The following PTPN11 variants were observed in gnomAD, a reference collection of about 807,000 sequenced individuals.
PTPN11 encodes protein tyrosine phosphatase non-receptor type 11, also known as tyrosine-protein phosphatase non-receptor type 11.
Under a neutral mutation model 78.8 loss-of-function variants are expected in PTPN11, and 6 were observed. The ratio of observed to expected loss-of-function variants is 0.08; its 90% CI spans 0.04 to 0.15. PTPN11 has a LOEUF of 0.15. Among genes scored for constraint, PTPN11 ranks in the 10% least tolerant of loss-of-function variants. The probability of loss-of-function intolerance (pLI) is 1.00; values close to 1 mark genes in which losing one functional copy is unlikely to be tolerated. For synonymous variants in PTPN11, 221 were observed against 263.5 expected, an observed-to-expected ratio of 0.84 and a Z score of 1.56; for missense variants, 386 against 744.8, an observed-to-expected ratio of 0.52 and a Z score of 5.61.
intron 6 of PTPN11, chr12:112,457,232 G>A: frequency 2.5e-6 from 1 of 404,830 alleles, no homozygotes; most frequent in Admixed American, 2.9e-5. Flanking sequence ...CAGTGTGTGT[G>A]ATGTTCCCCT....
At chr12:112,441,366 A>G (rs563829088) in intron 1 of PTPN11, among the ~76,000 whole-genome samples, 2 of 151,706 alleles carry the variant, frequency 1.3e-5, no homozygotes, top group South Asian at 2.1e-4. Flanking sequence ...GACTCAAGCA[A>G]TCCTCCCACC....
chr12:112,488,396 C>T (rs2135914759), intron 11 of PTPN11, 47 bp from the exon 12 acceptor site: 1 of 1,477,312 alleles, frequency 6.8e-7, no homozygotes, highest in South Asian at 1.1e-5. Context: ...GTCTGAAACC[C>T]CCATGAATGA....
chr12:112,484,152 G>T (rs934029920), intron 10 of PTPN11, among the ~76,000 whole-genome samples: 4 of 152,168 alleles, frequency 2.6e-5, no homozygotes, highest in African/African-American at 9.7e-5. Flanking sequence ...TTGAGGCAAG[G>T]CCATCAACAG....
At chr12:112,437,390 A>C (rs1037551209) in intron 1 of PTPN11, among the ~76,000 whole-genome samples, 4 of 151,742 alleles carry the variant, frequency 2.6e-5, no homozygotes, top group Non-Finnish European at 2.9e-5. Context: ...CGAACTCCTG[A>C]CCTTAAGTGA....
chr12:112,451,880 T>A (rs12310199), intron 3 of PTPN11, among the ~76,000 whole-genome samples: 6,208 of 152,322 alleles, frequency 0.041, 274 homozygotes, highest in African/African-American at 0.11. Flanking sequence ...TTCTTTTTTT[T>A]AATTTATTTA....
At chr12:112,485,317 T>C (rs768399899) in intron 10 of PTPN11, among the ~76,000 whole-genome samples, 7 of 152,148 alleles carry the variant, frequency 4.6e-5, no homozygotes, top group Non-Finnish European at 1.0e-4. Context: ...TAGGAATGAA[T>C]GGTGCTGCTA....
chr12:112,456,766 T>G (rs955057042), intron 6 of PTPN11, among the ~76,000 whole-genome samples: 12 of 151,952 alleles, frequency 7.9e-5, no homozygotes, highest in African/African-American at 2.7e-4. Context: ...ATCTAATTTT[T>G]GTATTTTTTT....
chr12:112,492,953 G>A (rs937230269), intron 13 of PTPN11, among the ~76,000 whole-genome samples: 1 of 152,012 alleles, frequency 6.6e-6, no homozygotes, highest in African/African-American at 2.4e-5. Flanking sequence ...AAGTATAAGT[G>A]ACAAAGAAAA....
intron 1 of PTPN11, among the ~76,000 whole-genome samples, chr12:112,436,769 A>C (rs1169517201): frequency 6.6e-6 from 1 of 151,696 alleles, no homozygotes; most frequent in African/African-American, 2.4e-5. Context: ...GTGGGTTGTA[A>C]GTTGTCCGCC....
rs369733697 is a variant in PTPN11, at chr12:112,442,742, G to A, written c.15-3534G>A. 2.6e-4 allele frequency among the ~76,000 whole-genome samples: 38 copies of A among 147,842 alleles called. No homozygotes were observed. The East Asian group carries it at 2.9e-3, about 11-fold the overall frequency. On this transcript the variant is annotated intron_variant, in intron 1 of 15. Transcript: ENST00000351677. ...GCTGGGATTACAGGAGTGAACCACC[G>A]CGCCTGGCCATGGATTTTGCAGCAT...
chr12:112,487,660 A>C (rs562077126), intron 11 of PTPN11, among the ~76,000 whole-genome samples: 9 of 152,262 alleles, frequency 5.9e-5, no homozygotes, highest in African/African-American at 2.2e-4. Flanking sequence ...ATATATGTGA[A>C]AGTGTTTATT....
intron 1 of PTPN11, among the ~76,000 whole-genome samples, chr12:112,430,513 C>T (rs1241405255): frequency 6.6e-6 from 1 of 152,116 alleles, no homozygotes; most frequent in Admixed American, 6.5e-5. Flanking sequence ...ACTGCAGCCT[C>T]AGATGCCTGG....
Position 112,455,958 on chromosome 12 carries a change from C to G in PTPN11, c.651C>G (p.Asn217Lys), listed in dbSNP as rs747243342. The G allele has an allele frequency of 6.3e-7, 1 of 1,598,114 alleles. No individual in the cohort carries two copies. Among genetic ancestry groups the G allele is most frequent in the East Asian group, 2.2e-5 (1 of 44,532 alleles). The change falls in exon 6 of 16, where the codon AAC (asparagine) becomes AAG (lysine). Residue 217 changes from asparagine (N) to lysine (K), a missense_variant. This residue lies in a region of PTPN11 where 279 missense variants were observed against 503.3 expected (regional missense o/e 0.55). Coordinates refer to ENST00000351677, the MANE Select transcript of PTPN11 (RefSeq NM_002834.5). ...CTGCTGTACTCGATCAGCCCCTTAA[C>G]ACGACTCGTATAAATGCTGCTGAAA... is the stretch of plus-strand genomic sequence containing the variant. ...GTVLQLKQPLNTTRINAAEIE... is the reference protein window; with the variant it reads ...GTVLQLKQPLKTTRINAAEIE...
intron 1 of PTPN11, among the ~76,000 whole-genome samples, chr12:112,443,850 C>T (rs1245091727): frequency 1.3e-5 from 2 of 151,518 alleles, no homozygotes; most frequent in East Asian, 1.9e-4. Flanking sequence ...GACTGGGTTT[C>T]GCCATGTTGC....
At chr12:112,495,689 C>T (rs1354153315) in intron 13 of PTPN11, among the ~76,000 whole-genome samples, 1 of 152,144 alleles carries the variant, frequency 6.6e-6, no homozygotes, top group Non-Finnish European at 1.5e-5. Context: ...GCATTTAATG[C>T]ATCTAAACTA....
intron 1 of PTPN11, among the ~76,000 whole-genome samples, chr12:112,442,848 A>ATATATATATATATATATAAAT (rs2037921354): frequency 1.5e-5 from 1 of 68,034 alleles, no homozygotes; most frequent in African/African-American, 7.1e-5. Context: ...ATATATATAT[A>ATATATATATATATATATAAAT]TATATATATA....
intron 15 of PTPN11, among the ~76,000 whole-genome samples, chr12:112,505,386 T>C (rs2038920377): frequency 6.6e-6 from 1 of 152,078 alleles, no homozygotes; most frequent in Non-Finnish European, 1.5e-5. Flanking sequence ...TAGAAACTTA[T>C]CTGGGCATGG....
chr12:112,491,452 C>T (rs758351548), intron 13 of PTPN11, among the ~76,000 whole-genome samples: 1 of 151,796 alleles, frequency 6.6e-6, no homozygotes, highest in Non-Finnish European at 1.5e-5. Flanking sequence ...CATTTATACC[C>T]CTTTGTCTCT....
chr12:112,420,284 T>C (rs966014395), intron 1 of PTPN11, among the ~76,000 whole-genome samples: 1 of 152,136 alleles, frequency 6.6e-6, no homozygotes, highest in East Asian at 1.9e-4. Context: ...ATGGTCACTG[T>C]CTCAGACATT....
Sources: allele counts gnomAD v4.1 joint callset (sites outside exome capture counted in the v4.1 genomes callset), GRCh38; gene constraint gnomAD v4.1.1; regional missense constraint gnomAD v4.1.1; transcripts MANE v1.5; gene names NCBI Gene and HGNC (gene_info 2026-07-23, HGNC 2026-07-21).